The following ZNF622 variants were observed in gnomAD, a reference collection of about 807,000 sequenced individuals.
ZNF622 encodes the protein zinc finger protein 622.
ZNF622 carries 34 observed loss-of-function variants against 49.7 expected under a neutral mutation model. The ratio of observed to expected loss-of-function variants is 0.68; its 90% CI spans 0.52 to 0.91. The LOEUF is 0.91. Ranked by LOEUF, ZNF622 falls within the 40% of genes least tolerant of loss-of-function variation. The pLI is 0.00. For synonymous variants in ZNF622, 209 were observed against 228.7 expected, an observed-to-expected ratio of 0.91 and a Z score of 0.78; for missense variants, 569 against 616.4, an observed-to-expected ratio of 0.92 and a Z score of 0.81.
intron 4 of ZNF622, 57 bp from the exon 5 acceptor site, chr5:16,453,213 A>G (rs1180867760): frequency 7.4e-7 from 1 of 1,355,946 alleles, no homozygotes; most frequent in Non-Finnish European, 9.6e-7. Context: ...TTCAAGGCAG[A>G]GCTATAAAGC....
At chr5:16,454,419 C>T (rs1392161704) in intron 4 of ZNF622, among the ~76,000 whole-genome samples, 2 of 129,836 alleles carry the variant, frequency 1.5e-5, no homozygotes, top group Admixed American at 9.9e-5. Context: ...ACCCGGGAGG[C>T]GGAGCTTGCG....
chr5:16,454,420 G>A (rs541161504), intron 4 of ZNF622, among the ~76,000 whole-genome samples: 4 of 142,592 alleles, frequency 2.8e-5, no homozygotes, highest in East Asian at 2.1e-4. Flanking sequence ...CCCGGGAGGC[G>A]GAGCTTGCGG....
chr5:16,453,724 T>C (rs26377), intron 4 of ZNF622, among the ~76,000 whole-genome samples: 5 of 151,138 alleles, frequency 3.3e-5, no homozygotes, highest in African/African-American at 1.2e-4. Context: ...GATTCTCCAA[T>C]GGGGATTTTA....
chr5:16,454,270 G>A lies in ZNF622; in HGVS notation c.1163-1114C>T, dbSNP rs539446307. On this transcript the variant is annotated intron_variant, in intron 4 of 5. Transcript: ENST00000308683. ...TGGGAGTCCTAGGTGGACGGATCACGAGGTCAGGAGATCGAGACCATCCTG... is the reference window on the plus strand; with the variant it reads ...TGGGAGTCCTAGGTGGACGGATCACAAGGTCAGGAGATCGAGACCATCCTG... Among the ~76,000 whole-genome samples, 39 of 152,092 alleles carry A rather than the reference G, an allele frequency of 2.6e-4. No homozygotes were observed. In the South Asian group the frequency reaches 6.6e-3, roughly 26 times the overall value.
chr5:16,457,904 TA>T (rs1308620011), intron 4 of ZNF622, among the ~76,000 whole-genome samples: 1 of 152,202 alleles, frequency 6.6e-6, no homozygotes, highest in Non-Finnish European at 1.5e-5. Flanking sequence ...TACCAGACAT[TA>T]AGATCTTATT....
chr5:16,463,035 GC>G lies in ZNF622; in HGVS notation c.1049+72del. 3 of 1,488,714 alleles carry G rather than the reference GC, an allele frequency of 2.0e-6. No individual in the cohort carries two copies. Among genetic ancestry groups the G allele is most frequent in the Non-Finnish European group, 2.7e-6 (3 of 1,100,262 alleles). The allele number at this position is 1,488,714 out of a possible 1,614,324, so 92.2% of individuals were successfully genotyped here. On this transcript the variant is annotated intron_variant, in intron 3 of 5. Coordinates refer to ENST00000308683, the MANE Select transcript of ZNF622 (RefSeq NM_033414.3). The surrounding 1 kb of genome is among the most constrained non-coding windows in gnomAD (Gnocchi z 4.2). The stretch of plus-strand genomic sequence containing the variant: ...TGTTGTACAGTGCCAAACATATCCA[GC>G]ACTGGCACACCTAATAATCACTTCA...
chr5:16,463,620 G>C lies in ZNF622; in HGVS notation c.748C>G (p.Pro250Ala), dbSNP rs1410304539. 6.2e-7 allele frequency: 1 copy of C among 1,614,184 alleles called. No homozygotes were observed. Among genetic ancestry groups the C allele is most frequent in the Admixed American group, 1.7e-5 (1 of 60,028 alleles). Residue 250 changes from proline to alanine, a missense_variant, in exon 2 of 6, where the codon CCT becomes GCT. By Grantham distance (27) the Pro-to-Ala change is conservative. Coordinates refer to ENST00000308683, the MANE Select transcript of ZNF622 (RefSeq NM_033414.3). This position sits in a 1 kb window ranked among gnomAD's most constrained non-coding sequence, Gnocchi z 4.2. ...GAACAAAATAAGCAGTCCGTGATAG[G>C]GATGGCACCAAGGGGTGGGCCTTCC... The part of the protein sequence containing the change: ...AEEGPPLGAI[P>A]ITDCLFCSHH...
chr5:16,458,665 T>TA (rs1163821444), intron 3 of ZNF622, 36 bp from the exon 4 acceptor site: 2 of 1,425,664 alleles, frequency 1.4e-6, no homozygotes, highest in South Asian at 2.5e-5. Flanking sequence ...AATAGACTAA[T>TA]ATCTCAAATT....
At position 16,451,651 on chromosome 5, in the gene ZNF622, AG is replaced by A; in HGVS notation, c.*5del. The A allele has an allele frequency of 6.2e-7, 1 of 1,612,908 alleles. No individual in the cohort carries two copies. Among genetic ancestry groups the A allele is most frequent in the South Asian group, 1.1e-5 (1 of 90,914 alleles). On this transcript the variant is annotated 3_prime_UTR_variant, in exon 6 of 6. Transcript: ENST00000308683. ...CAGGAGATGATTGCTCAATCCCAGC[AG>A]ACTCTCAGAATCTCACTTGGACCCG...
Position 16,465,764 on chromosome 5 carries a change from A to T in ZNF622, c.-99T>A. 6.8e-7 allele frequency: 1 copy of T among 1,467,374 alleles called. No individual in the cohort carries two copies. Among genetic ancestry groups the T allele is most frequent in the East Asian group, 2.3e-5 (1 of 43,298 alleles). 90.9% of individuals were successfully genotyped at this position (1,467,374 alleles called of 1,614,324 possible). On this transcript the variant is annotated 5_prime_UTR_variant, in exon 1 of 6. Coordinates refer to ENST00000308683, the MANE Select transcript of ZNF622 (RefSeq NM_033414.3). This position sits in a 1 kb window ranked among gnomAD's most constrained non-coding sequence, Gnocchi z 6.2. ...ACCTTAACCCGCCTCAGCAGCCAGG[A>T]AGAGCCACTCGACACGCCGACTTCC...
In ZNF622 at chr5:16,463,281, A is replaced by T. The variant is rs760505174; in HGVS notation, c.887-11T>A. On this transcript the variant is annotated splice_polypyrimidine_tract_variant and intron_variant, in intron 2 of 5. Coordinates refer to ENST00000308683, the MANE Select transcript of ZNF622 (RefSeq NM_033414.3). This position sits in a 1 kb window ranked among gnomAD's most constrained non-coding sequence, Gnocchi z 4.2. ...CACCAACTTTCTCTCCTAGAAAAAT[A>T]ATTTAAGGAAAAAATATGAAAAAAG... 142 of 1,583,306 alleles carry T rather than the reference A, an allele frequency of 9.0e-5. No homozygotes were observed. The highest frequency in any genetic ancestry group is 1.2e-4 in the Non-Finnish European group (141 of 1,170,746).
At chr5:16,464,395 C>T (rs1326995539) in intron 1 of ZNF622, among the ~76,000 whole-genome samples, 1 of 152,154 alleles carries the variant, frequency 6.6e-6, no homozygotes, top group African/African-American at 2.4e-5. Context: ...CTGCCAGCAC[C>T]TTGATTTTGG....
chr5:16,462,598 A>G (rs1229408264), intron 3 of ZNF622, among the ~76,000 whole-genome samples: 9 of 152,176 alleles, frequency 5.9e-5, no homozygotes, highest in African/African-American at 1.9e-4. Flanking sequence ...AGGCTGCAGT[A>G]GGCCATGATT....
intron 4 of ZNF622, among the ~76,000 whole-genome samples, chr5:16,453,562 TATATATATA>T (rs1561067744): frequency 3.2e-4 from 33 of 104,048 alleles, no homozygotes; most frequent in South Asian, 5.3e-4. Context: ...ATAAAAATTA[TATATATATA>T]TATATATATA....
intron 4 of ZNF622, among the ~76,000 whole-genome samples, chr5:16,454,248 G>A (rs1737984245): frequency 6.6e-6 from 1 of 152,058 alleles, no homozygotes; most frequent in South Asian, 2.1e-4. Context: ...AGCACTTTGG[G>A]AGTCCTAGGT....
In ZNF622 at chr5:16,465,152, C is replaced by A. The variant is rs555463335; in HGVS notation, c.514G>T (p.Asp172Tyr). 6.2e-7 allele frequency: 1 copy of A among 1,614,226 alleles called. No individual in the cohort carries two copies. Among genetic ancestry groups the A allele is most frequent in the Admixed American group, 1.7e-5 (1 of 60,036 alleles). The change falls in exon 1 of 6, where the codon GAC becomes TAC. Residue 172 changes from aspartate (D) to tyrosine (Y), a missense_variant. Transcript: ENST00000308683. This position sits in a 1 kb window ranked among gnomAD's most constrained non-coding sequence, Gnocchi z 6.2. ...GTGGRGTHDR[D>Y]PSEKPPRLQW... ...AGCCGGGGTGGTTTCTCACTCGGGTCTCGGTCGTGGGTCCCACGGCCACCA... is the reference window on the plus strand; with the variant it reads ...AGCCGGGGTGGTTTCTCACTCGGGTATCGGTCGTGGGTCCCACGGCCACCA...
chr5:16,453,412 C>T (rs1262797070), intron 4 of ZNF622, among the ~76,000 whole-genome samples: 11 of 151,464 alleles, frequency 7.3e-5, no homozygotes, highest in African/African-American at 2.4e-4. Context: ...TGACAAGTCA[C>T]TGTTAAGTGA....
At chr5:16,464,766 CA>C (rs1738184969) in intron 1 of ZNF622, among the ~76,000 whole-genome samples, 1 of 152,172 alleles carries the variant, frequency 6.6e-6, no homozygotes, top group African/African-American at 2.4e-5. Context: ...CCTCTTCATC[CA>C]AAACACAGAA....
intron 3 of ZNF622, 72 bp from the exon 4 acceptor site, chr5:16,458,701 CA>C: frequency 9.0e-7 from 1 of 1,110,188 alleles, no homozygotes; most frequent in Middle Eastern, 2.1e-4. Flanking sequence ...AACTCATTTG[CA>C]AATGTGGCAA....
Sources: allele counts gnomAD v4.1 joint callset (sites outside exome capture counted in the v4.1 genomes callset), GRCh38; gene constraint gnomAD v4.1.1; non-coding constraint Gnocchi (gnomAD v3.1); transcripts MANE v1.5; gene names NCBI Gene and HGNC (gene_info 2026-07-23, HGNC 2026-07-21).